SLC24A2: variants seen among roughly 807,000 people sequenced by gnomAD.
SLC24A2 encodes the protein solute carrier family 24 member 2.
A neutral mutation model predicts 62.0 loss-of-function variants in SLC24A2; 36 were observed. The ratio of observed to expected loss-of-function variants is 0.58; its 90% CI spans 0.44 to 0.77. The LOEUF (loss-of-function observed/expected upper bound fraction) is 0.77, where lower values mean the gene tolerates loss of function less well. Among genes scored for constraint, SLC24A2 ranks in the 30% least tolerant of loss-of-function variants. SLC24A2 has a pLI of 0.00. For missense variants in SLC24A2, 846 were observed against 817.9 expected (o/e 1.03, Z -0.42); for synonymous variants, 358 against 294.0 (o/e 1.22, Z -2.23).
chr9:19,541,852 A>G (rs1191365821), intron 8 of SLC24A2, among the ~76,000 whole-genome samples: 3 of 151,658 alleles, frequency 2.0e-5, no homozygotes, highest in Non-Finnish European at 4.4e-5. Flanking sequence ...GCTAGCAATC[A>G]GCGAGATTCC....
chr9:20,108,841 A>T, the SLC24A2 span, among the ~76,000 whole-genome samples: 1 of 152,186 alleles, frequency 6.6e-6, no homozygotes, highest in Admixed American at 6.6e-5. Context: ...TAAAGCTTAA[A>T]GTATAGTAAT....
the SLC24A2 span, among the ~76,000 whole-genome samples, chr9:20,105,991 C>A: frequency 1.3e-5 from 2 of 151,968 alleles, no homozygotes; most frequent in Non-Finnish European, 1.5e-5. Context: ...ATCAAATAGA[C>A]GCAATAAAAA....
chr9:20,083,035 C>G, the SLC24A2 span, among the ~76,000 whole-genome samples: 2 of 152,194 alleles, frequency 1.3e-5, no homozygotes, highest in Non-Finnish European at 2.9e-5. Context: ...CATTCAGTGT[C>G]ATACTACAGT....
At chr9:20,291,163 T>C in the SLC24A2 span, among the ~76,000 whole-genome samples, 5 of 152,224 alleles carry the variant, frequency 3.3e-5, no homozygotes, top group South Asian at 6.2e-4. Context: ...GAAAAATGCC[T>C]GCCCTTAAGC....
In SLC24A2 at chr9:19,595,103, T is replaced by C. The variant is rs189389821; in HGVS notation, c.1129+2126A>G. On this transcript the variant is annotated intron_variant, in intron 5 of 10. Transcript: ENST00000341998. ...ACTTCAACCAGCGTTTCCACAAAGG[T>C]TCCATATCAGAAAGTCTGGGAAACA... Among the ~76,000 whole-genome samples the C allele has an allele frequency of 2.3e-3, 350 of 152,320 alleles. 2 individuals are homozygous for C. Among genetic ancestry groups the C allele is most frequent in the Non-Finnish European group, 4.3e-3 (292 of 68,016 alleles).
At chr9:19,703,029 T>C (rs1171053709) in intron 2 of SLC24A2, among the ~76,000 whole-genome samples, 1 of 152,106 alleles carries the variant, frequency 6.6e-6, no homozygotes, top group Non-Finnish European at 1.5e-5. Context: ...TTCTATACTG[T>C]TGTTGGGTAA....
intron 2 of SLC24A2, among the ~76,000 whole-genome samples, chr9:19,716,678 T>C (rs916664816): frequency 3.3e-5 from 5 of 152,170 alleles, no homozygotes; most frequent in Non-Finnish European, 5.9e-5. Flanking sequence ...TTTGCCTACC[T>C]CCCCTATCTG....
the SLC24A2 span, among the ~76,000 whole-genome samples, chr9:20,016,533 G>C: frequency 6.6e-6 from 1 of 152,126 alleles, no homozygotes; most frequent in Non-Finnish European, 1.5e-5. Context: ...TGAGGTGACT[G>C]ATTTTCTAGA....
chr9:20,112,732 G>C, the SLC24A2 span, among the ~76,000 whole-genome samples: 1 of 151,944 alleles, frequency 6.6e-6, no homozygotes, highest in African/African-American at 2.4e-5. Context: ...GTGGTTCCTG[G>C]GGACCCGAGA....
the SLC24A2 span, among the ~76,000 whole-genome samples, chr9:19,827,097 T>A: frequency 6.6e-6 from 1 of 152,140 alleles, no homozygotes; most frequent in Non-Finnish European, 1.5e-5. Context: ...AAATACAAAC[T>A]TTTTCATGTT....
At chr9:19,862,013 CA>C in the SLC24A2 span, among the ~76,000 whole-genome samples, 1 of 152,010 alleles carries the variant, frequency 6.6e-6, no homozygotes, top group East Asian at 1.9e-4. Context: ...GAGAAAGAGA[CA>C]AGGGTAGAAA....
At chr9:19,578,712 T>C (rs1836111389) in intron 5 of SLC24A2, among the ~76,000 whole-genome samples, 1 of 152,144 alleles carries the variant, frequency 6.6e-6, no homozygotes, top group African/African-American at 2.4e-5. Flanking sequence ...CCCACCTCCA[T>C]GGTTTGGAAT....
At chr9:20,288,785 A>G in the SLC24A2 span, among the ~76,000 whole-genome samples, 81 of 151,618 alleles carry the variant, frequency 5.3e-4, no homozygotes, top group African/African-American at 1.8e-3. Context: ...AAGAGACACA[A>G]TGCAACTTCC....
At chr9:19,536,192 T>A (rs906427990) in intron 8 of SLC24A2, among the ~76,000 whole-genome samples, 5 of 150,454 alleles carry the variant, frequency 3.3e-5, no homozygotes, top group African/African-American at 9.9e-5. Flanking sequence ...TTTTTTAATT[T>A]TTTATTTATT....
intron 2 of SLC24A2, among the ~76,000 whole-genome samples, chr9:19,760,960 G>A (rs1331900273): frequency 3.9e-5 from 6 of 151,966 alleles, no homozygotes; most frequent in Non-Finnish European, 7.4e-5. Flanking sequence ...TACACCTCAC[G>A]TAAACGACAA....
At chr9:20,018,602 A>T in the SLC24A2 span, among the ~76,000 whole-genome samples, 3 of 152,132 alleles carry the variant, frequency 2.0e-5, no homozygotes, top group Middle Eastern at 6.8e-3. Flanking sequence ...TGTTACTTTT[A>T]TAGCTTAAAA....
At chr9:19,819,757 G>T in the SLC24A2 span, among the ~76,000 whole-genome samples, 1 of 151,882 alleles carries the variant, frequency 6.6e-6, no homozygotes, top group Admixed American at 6.6e-5. Context: ...CTGCTGGTGG[G>T]AATGTAAACT....
At chr9:20,221,805 C>T in the SLC24A2 span, among the ~76,000 whole-genome samples, 1 of 152,108 alleles carries the variant, frequency 6.6e-6, no homozygotes, top group Non-Finnish European at 1.5e-5. Context: ...AACTGTCAAC[C>T]TGCAATTTCA....
intron 2 of SLC24A2, chr9:19,705,400 CT>C (rs1234397401): frequency 6.1e-6 from 1 of 163,660 alleles, no homozygotes; most frequent in Non-Finnish European, 1.3e-5. Flanking sequence ...GTCTGAGGTA[CT>C]GGGTGGTTGG....
Sources: gnomAD v4.1 joint callset for allele counts (sites outside exome capture counted in the v4.1 genomes callset) on GRCh38, gnomAD v4.1.1 for gene constraint, MANE v1.5 for transcripts, NCBI Gene and HGNC (gene_info 2026-07-23, HGNC 2026-07-21) for gene names.